Variants in PDZD2 observed in about 807,000 individuals in gnomAD.
The protein encoded by PDZD2 is PDZ domain-containing protein 2.
A neutral mutation model predicts 220.7 loss-of-function variants in PDZD2; 90 were observed. That is an observed-to-expected ratio of 0.41 (90% CI 0.34 to 0.49). PDZD2 has a LOEUF of 0.49. PDZD2 is among the 20% of genes least tolerant of loss of function. PDZD2 has a pLI of 0.28. For missense variants in PDZD2, 3,174 were observed against 3,608.5 expected (o/e 0.88, Z 3.08); for synonymous variants, 1,375 against 1,450.5 (o/e 0.95, Z 1.18).
At position 31,727,725 on chromosome 5, in the gene PDZD2, C is replaced by T. The variant is rs561730916; in HGVS notation, c.-360-71164C>T. On this transcript the variant is annotated intron_variant, in intron 1 of 24. Transcript: ENST00000438447. ...TCAAAAAAAAAAAAAAAAGAAAGGC[C>T]GGGCGCGGTGGCTTCACCTGTAAAC... is the stretch of plus-strand genomic sequence containing the variant. 3.1e-4 allele frequency among the ~76,000 whole-genome samples: 20 copies of T among 64,976 alleles called. No homozygotes were observed. The East Asian group carries it at 0.016, about 52-fold the overall frequency. The allele number at this position is 64,976 out of a possible 152,430, so 42.6% of individuals were successfully genotyped here.
intron 1 of PDZD2, among the ~76,000 whole-genome samples, chr5:31,752,454 C>T (rs1751055999): frequency 6.6e-6 from 1 of 152,088 alleles, no homozygotes; most frequent in African/African-American, 2.4e-5. Context: ...GAGGCTGAGG[C>T]AGGAGAATCT....
chr5:32,039,698 CGCCTCTGCCCGGCCGCCCCGTCTGGG>C (rs1755876700), intron 7 of PDZD2, among the ~76,000 whole-genome samples: 1 of 147,286 alleles, frequency 6.8e-6, no homozygotes, highest in African/African-American at 2.6e-5. Flanking sequence ...ATGTGAGGAG[CGCCTCTGCCCGGCCGCCCCGTCTGGG>C]AAGTGAGGAG....
chr5:31,645,837 T>C (rs956811327), intron 1 of PDZD2, among the ~76,000 whole-genome samples: 7 of 152,106 alleles, frequency 4.6e-5, no homozygotes, highest in Non-Finnish European at 4.4e-5. Context: ...GTGCTGTGGC[T>C]ACCCCAAAGT....
chr5:32,075,293 G>A (rs1024378772), intron 18 of PDZD2, among the ~76,000 whole-genome samples: 1 of 152,156 alleles, frequency 6.6e-6, no homozygotes, highest in Admixed American at 6.6e-5. Context: ...GGCACTGGTC[G>A]AGTTACAACT....
intron 2 of PDZD2, among the ~76,000 whole-genome samples, chr5:31,932,559 AG>A (rs1385146479): frequency 2.7e-3 from 21 of 7,898 alleles, no homozygotes; most frequent in Non-Finnish European, 4.9e-3. Context: ...AAAAAAAGAA[AG>A]AAAGAAAGAA....
At chr5:31,737,452 G>A (rs575349284) in intron 1 of PDZD2, among the ~76,000 whole-genome samples, 7 of 152,176 alleles carry the variant, frequency 4.6e-5, no homozygotes, top group Middle Eastern at 3.4e-3. Flanking sequence ...GATTACAGGC[G>A]TGAGCTACCG....
At chr5:31,849,897 T>TACTC (rs1324320251) in intron 2 of PDZD2, among the ~76,000 whole-genome samples, 3 of 26,488 alleles carry the variant, frequency 1.1e-4, no homozygotes, top group African/African-American at 5.8e-4. Context: ...TACACATATA[T>TACTC]ATATATACAT....
intron 6 of PDZD2, among the ~76,000 whole-genome samples, chr5:32,034,637 T>G (rs1236254380): frequency 6.6e-6 from 1 of 152,154 alleles, no homozygotes; most frequent in Non-Finnish European, 1.5e-5. Context: ...ATTACAGACG[T>G]GAGCCATCAC....
chr5:31,733,767 A>G (rs928086322), intron 1 of PDZD2, among the ~76,000 whole-genome samples: 1 of 152,192 alleles, frequency 6.6e-6, no homozygotes, highest in Non-Finnish European at 1.5e-5. Context: ...CCGTTCCTGT[A>G]ATGCAGGAAG....
At chr5:31,696,681 G>A (rs1351218265) in intron 1 of PDZD2, among the ~76,000 whole-genome samples, 1 of 152,140 alleles carries the variant, frequency 6.6e-6, no homozygotes, top group Non-Finnish European at 1.5e-5. Context: ...TCTCTCCCTT[G>A]CTGTCTTTCA....
chr5:31,757,134 A>G (rs905343490), intron 1 of PDZD2, among the ~76,000 whole-genome samples: 1 of 152,100 alleles, frequency 6.6e-6, no homozygotes, highest in African/African-American at 2.4e-5. Flanking sequence ...ACATTTTTAA[A>G]AATTAGCTGG....
intron 24 of PDZD2, among the ~76,000 whole-genome samples, chr5:32,102,803 A>G (rs1294370530): frequency 3.9e-5 from 6 of 152,158 alleles, no homozygotes; most frequent in African/African-American, 1.4e-4. Context: ...ACAAAATGCA[A>G]GCTGGGTGTG....
chr5:31,665,981 T>A (rs1304287358), intron 1 of PDZD2, among the ~76,000 whole-genome samples: 1 of 152,112 alleles, frequency 6.6e-6, no homozygotes, highest in Non-Finnish European at 1.5e-5. Context: ...TTCCAATAGC[T>A]TAGAGGGGAG....
At chr5:31,709,674 G>A (rs570605982) in intron 1 of PDZD2, among the ~76,000 whole-genome samples, 41 of 152,274 alleles carry the variant, frequency 2.7e-4, no homozygotes, top group African/African-American at 9.1e-4. Context: ...AAGTCATGTC[G>A]GCTGGGTGCG....
Position 31,907,447 on chromosome 5 carries a change from T to C in PDZD2, c.477-75708T>C, listed in dbSNP as rs80097572. On this transcript the variant is annotated intron_variant, in intron 2 of 24. Coordinates refer to ENST00000438447, the MANE Select transcript of PDZD2 (RefSeq NM_178140.4). ...CCCTTATCACATTGGGGATTAGGGCTCTAACATGTGTATTTTGAGAGGGGA... is the reference window on the plus strand; with the variant it reads ...CCCTTATCACATTGGGGATTAGGGCCCTAACATGTGTATTTTGAGAGGGGA... Among the ~76,000 whole-genome samples the C allele has an allele frequency of 7.1e-3, 1,079 of 152,332 alleles. 21 individuals are homozygous for C. The highest frequency in any genetic ancestry group is 0.025 in the African/African-American group (1,043 of 41,580).
In PDZD2 at chr5:32,110,890, T is replaced by G. The variant is rs1745329703; in HGVS notation, c.*2755T>G. The G allele has an allele frequency of 6.6e-6, 1 of 152,294 alleles. No homozygotes were observed. Among genetic ancestry groups the G allele is most frequent in the African/African-American group, 2.4e-5 (1 of 41,454 alleles). The allele number at this position is 152,294 out of a possible 1,614,324, so 9.4% of individuals were successfully genotyped here. ...TCCACATCTCTGTAAACAACCTTTT[T>G]TAAGTAATTTTAAAAAAAATAAACA... On this transcript the variant is annotated 3_prime_UTR_variant, in exon 25 of 25. Transcript: ENST00000438447.
In PDZD2 at chr5:31,704,871, C is replaced by T. The variant is rs554015480; in HGVS notation, c.-361+65434C>T. On this transcript the variant is annotated intron_variant, in intron 1 of 24. Transcript: ENST00000438447. Reference sequence around the variant, plus strand: ...AACCTGGATTATATTGTGCAAATTACGAATATTGGCTGGGTGCGGTGGCTC... The same window carrying T: ...AACCTGGATTATATTGTGCAAATTATGAATATTGGCTGGGTGCGGTGGCTC... Among the ~76,000 whole-genome samples, 452 of 152,186 alleles carry T rather than the reference C, an allele frequency of 3.0e-3. 3 individuals carry two copies. Among genetic ancestry groups the T allele is most frequent in the African/African-American group, 0.01 (422 of 41,530 alleles).
chr5:31,661,829 C>T (rs1745780329), intron 1 of PDZD2, among the ~76,000 whole-genome samples: 1 of 136,104 alleles, frequency 7.3e-6, no homozygotes, highest in South Asian at 2.5e-4. Flanking sequence ...TATTCAGGGG[C>T]AAAAAGGTAA....
At position 32,049,559 on chromosome 5, in the gene PDZD2, G is replaced by C. The variant is rs533713804; in HGVS notation, c.1665+875G>C. 6.6e-5 allele frequency among the ~76,000 whole-genome samples: 10 copies of C among 152,182 alleles called. No homozygotes were observed. In the East Asian group the frequency reaches 1.9e-3, roughly 29 times the overall value. On this transcript the variant is annotated intron_variant, in intron 8 of 24. Transcript: ENST00000438447. Reference sequence around the variant, plus strand: ...GTGTGTTATGACCCATTTACAGATGGAGCAACTGAATCTCAAAGGGGTTAA... The same window carrying C: ...GTGTGTTATGACCCATTTACAGATGCAGCAACTGAATCTCAAAGGGGTTAA...
Sources: gnomAD v4.1 joint callset for allele counts (sites outside exome capture counted in the v4.1 genomes callset) on GRCh38, gnomAD v4.1.1 for gene constraint, MANE v1.5 for transcripts, NCBI Gene and HGNC (gene_info 2026-07-23, HGNC 2026-07-21) for gene names.